The following ZFPM2 variants were observed in gnomAD, a reference collection of about 807,000 sequenced individuals.
The protein encoded by ZFPM2 is zinc finger protein ZFPM2.
In ZFPM2, 20 loss-of-function variants were observed where a neutral mutation model predicts 98.6. The ratio of observed to expected loss-of-function variants is 0.20; its 90% CI spans 0.14 to 0.29. The LOEUF is 0.29. ZFPM2 is among the 10% of genes least tolerant of loss of function. The pLI, the probability that ZFPM2 is intolerant of heterozygous loss-of-function variation, is 1.00. For synonymous variants in ZFPM2, 518 were observed against 502.7 expected, an observed-to-expected ratio of 1.03 and a Z score of -0.41; for missense variants, 1,310 against 1,388.6, an observed-to-expected ratio of 0.94 and a Z score of 0.90.
At chr8:105,610,925 T>C (rs62527252) in intron 4 of ZFPM2, among the ~76,000 whole-genome samples, 29,438 of 152,160 alleles carry the variant, frequency 0.19, 2,969 homozygotes, top group South Asian at 0.26. Flanking sequence ...CCATGATACA[T>C]GTAGAGCTAC....
intron 3 of ZFPM2, among the ~76,000 whole-genome samples, chr8:105,464,722 G>A (rs1364291135): frequency 6.6e-6 from 1 of 151,662 alleles, no homozygotes; most frequent in Non-Finnish European, 1.5e-5. Context: ...CTGATTGAAC[G>A]CCCTCAAGCT....
chr8:105,389,359 T>C (rs6469001), intron 1 of ZFPM2, among the ~76,000 whole-genome samples: 71,612 of 151,692 alleles, frequency 0.47, 18,027 homozygotes, highest in Middle Eastern at 0.57. Context: ...ATGGAAGCAC[T>C]CATATAAAGG....
chr8:105,525,823 T>G (rs1450164), intron 3 of ZFPM2, among the ~76,000 whole-genome samples: 1 of 152,040 alleles, frequency 6.6e-6, no homozygotes, highest in African/African-American at 2.4e-5. Context: ...ACCCTAATAA[T>G]AATTGGAGTC....
At chr8:105,792,076 T>G (rs1813631857) in intron 6 of ZFPM2, among the ~76,000 whole-genome samples, 1 of 152,210 alleles carries the variant, frequency 6.6e-6, no homozygotes, top group South Asian at 2.1e-4. Flanking sequence ...GGGTTTTTTG[T>G]GTCTCTATTT....
At chr8:105,507,345 C>A (rs1258246298) in intron 3 of ZFPM2, among the ~76,000 whole-genome samples, 1 of 152,056 alleles carries the variant, frequency 6.6e-6, no homozygotes, top group African/African-American at 2.4e-5. Context: ...TTCATGAATC[C>A]TTTTATTCAA....
In ZFPM2 at chr8:105,452,163, G is replaced by T. The variant is rs1461206251; in HGVS notation, c.301+7782G>T. Among the ~76,000 whole-genome samples, 5 of 152,056 alleles carry T rather than the reference G, an allele frequency of 3.3e-5. No homozygotes were observed. In the East Asian group the frequency reaches 7.7e-4, roughly 23 times the overall value. On this transcript the variant is annotated intron_variant, in intron 3 of 7. Transcript: ENST00000407775. ...TGTTTATACAAGTGAAACACAAATT[G>T]GTTGGTCTATATAAAATTCTAGACC...
At chr8:105,449,828 A>G (rs1391296773) in intron 3 of ZFPM2, among the ~76,000 whole-genome samples, 1 of 152,078 alleles carries the variant, frequency 6.6e-6, no homozygotes, top group African/African-American at 2.4e-5. Flanking sequence ...TGCTCAATTA[A>G]TTACTCTTAA....
At chr8:105,400,639 T>C (rs1425969791) in intron 1 of ZFPM2, among the ~76,000 whole-genome samples, 6 of 152,246 alleles carry the variant, frequency 3.9e-5, no homozygotes, top group Admixed American at 2.0e-4. Flanking sequence ...GCTTGGAATA[T>C]ATGCACTTTT....
At chr8:105,747,488 A>G (rs12546300) in intron 5 of ZFPM2, among the ~76,000 whole-genome samples, 66,396 of 151,908 alleles carry the variant, frequency 0.44, 15,638 homozygotes, top group African/African-American at 0.62. Context: ...ATTCAAATGC[A>G]ACCATAAGTA....
intron 1 of ZFPM2, among the ~76,000 whole-genome samples, chr8:105,337,744 T>C (rs1812354822): frequency 9.8e-6 from 1 of 102,260 alleles, no homozygotes; most frequent in African/African-American, 4.4e-5. Flanking sequence ...TTTTTGGTCA[T>C]AGTTCATGTT....
chr8:105,339,649 A>C (rs1812390940), intron 1 of ZFPM2, among the ~76,000 whole-genome samples: 1 of 151,888 alleles, frequency 6.6e-6, no homozygotes, highest in African/African-American at 2.4e-5. Flanking sequence ...ACAGACGCCC[A>C]AAAATCATGC....
chr8:105,321,805 C>T (rs1045120748), intron 1 of ZFPM2, among the ~76,000 whole-genome samples: 1 of 152,126 alleles, frequency 6.6e-6, no homozygotes, highest in African/African-American at 2.4e-5. Context: ...GATATACCAT[C>T]AGAAACCCGA....
intron 1 of ZFPM2, among the ~76,000 whole-genome samples, chr8:105,405,045 G>A (rs1349890514): frequency 1.3e-5 from 2 of 151,992 alleles, no homozygotes; most frequent in Non-Finnish European, 2.9e-5. Flanking sequence ...AGTGCAATGA[G>A]TAAAATAAAT....
intron 5 of ZFPM2, among the ~76,000 whole-genome samples, chr8:105,730,166 T>C (rs1311037847): frequency 6.6e-6 from 1 of 151,704 alleles, no homozygotes; most frequent in Non-Finnish European, 1.5e-5. Context: ...GTGGTTAGGT[T>C]ACTGAGTTCT....
At chr8:105,531,495 A>G (rs1402327496) in intron 3 of ZFPM2, among the ~76,000 whole-genome samples, 1 of 152,108 alleles carries the variant, frequency 6.6e-6, no homozygotes, top group Non-Finnish European at 1.5e-5. Context: ...CACTAGTCAT[A>G]TTGGATTAAG....
chr8:105,474,978 T>G (rs1362004818), intron 3 of ZFPM2, among the ~76,000 whole-genome samples: 1 of 152,184 alleles, frequency 6.6e-6, no homozygotes, highest in Admixed American at 6.5e-5. Context: ...TCTGTATCAG[T>G]TCAGTCAAAA....
intron 3 of ZFPM2, among the ~76,000 whole-genome samples, chr8:105,532,573 A>G (rs564383768): frequency 6.6e-6 from 1 of 152,214 alleles, no homozygotes; most frequent in Non-Finnish European, 1.5e-5. Context: ...TTTACTTTCA[A>G]AGTGATACTA....
At chr8:105,423,504 C>T (rs1168921505) in intron 2 of ZFPM2, among the ~76,000 whole-genome samples, 2 of 152,178 alleles carry the variant, frequency 1.3e-5, no homozygotes, top group South Asian at 2.1e-4. Context: ...GAGTACGTGG[C>T]ATCTTGCCTT....
intron 3 of ZFPM2, among the ~76,000 whole-genome samples, chr8:105,479,435 C>T (rs1202159079): frequency 6.6e-6 from 1 of 152,174 alleles, no homozygotes; most frequent in African/African-American, 2.4e-5. Flanking sequence ...TTTCTGGCTT[C>T]TGATTCTGCA....
Sources: gnomAD v4.1 joint callset for allele counts (sites outside exome capture counted in the v4.1 genomes callset) on GRCh38, gnomAD v4.1.1 for gene constraint, MANE v1.5 for transcripts, NCBI Gene and HGNC (gene_info 2026-07-23, HGNC 2026-07-21) for gene names.